The following TMEM108 variants were observed in gnomAD, a reference collection of about 807,000 sequenced individuals.
The protein encoded by TMEM108 is cancer/testis antigen 124.
TMEM108 carries 12 observed loss-of-function variants against 35.1 expected under a neutral mutation model. The observed-to-expected ratio is 0.34, with a 90% CI of 0.22 to 0.55. TMEM108 has a LOEUF of 0.55. TMEM108 is among the 20% of genes least tolerant of loss of function. The pLI, the probability that TMEM108 is intolerant of heterozygous loss-of-function variation, is 0.89. For synonymous variants in TMEM108, 287 were observed against 308.6 expected (o/e 0.93, Z 0.73); for missense variants, 680 against 753.3 (o/e 0.90, Z 1.14).
At chr3:133,235,037 A>C (rs1043227176) in intron 3 of TMEM108, among the ~76,000 whole-genome samples, 28 of 152,182 alleles carry the variant, frequency 1.8e-4, no homozygotes, top group East Asian at 3.9e-4. Context: ...TAGGAATCCA[A>C]CTTACAAGGG....
intron 3 of TMEM108, among the ~76,000 whole-genome samples, chr3:133,306,460 G>A (rs2071039314): frequency 6.6e-6 from 1 of 152,052 alleles, no homozygotes; most frequent in Non-Finnish European, 1.5e-5. Context: ...TTGATTTGCT[G>A]CACCCATTAA....
At chr3:133,207,332 A>G (rs922899287) in intron 2 of TMEM108, among the ~76,000 whole-genome samples, 12 of 56,716 alleles carry the variant, frequency 2.1e-4, no homozygotes, top group African/African-American at 1.1e-3. Context: ...AACCAGTCCC[A>G]GTGAGGAGCC....
At chr3:133,157,447 A>G (rs1163057522) in intron 2 of TMEM108, among the ~76,000 whole-genome samples, 1 of 152,206 alleles carries the variant, frequency 6.6e-6, no homozygotes, top group Non-Finnish European at 1.5e-5. Flanking sequence ...ACACATATAT[A>G]TTTAACAAGT....
intron 2 of TMEM108, among the ~76,000 whole-genome samples, chr3:133,199,361 CTCTG>C (rs1307993551): frequency 6.6e-6 from 1 of 152,180 alleles, no homozygotes; most frequent in Non-Finnish European, 1.5e-5. Context: ...AGAAAAGGCA[CTCTG>C]ATTTTTAGAA....
At chr3:133,219,503 C>T (rs757308025) in intron 2 of TMEM108, among the ~76,000 whole-genome samples, 18 of 151,840 alleles carry the variant, frequency 1.2e-4, no homozygotes, top group Middle Eastern at 3.4e-3. Context: ...CTCTTAGAAC[C>T]GCTTTTGTTT....
chr3:133,313,262 A>C (rs1400822802), intron 3 of TMEM108, among the ~76,000 whole-genome samples: 1 of 150,808 alleles, frequency 6.6e-6, no homozygotes, highest in African/African-American at 2.4e-5. Flanking sequence ...CAGTGGTGCG[A>C]TCTCAGCTCA....
intron 2 of TMEM108, among the ~76,000 whole-genome samples, chr3:133,072,832 C>T (rs1273081165): frequency 1.3e-5 from 2 of 152,076 alleles, no homozygotes; most frequent in Non-Finnish European, 2.9e-5. Flanking sequence ...CCCCTAAGTC[C>T]CTGACAGGCA....
intron 2 of TMEM108, among the ~76,000 whole-genome samples, chr3:133,075,110 C>T (rs574240957): frequency 6.6e-6 from 1 of 152,278 alleles, no homozygotes; most frequent in East Asian, 1.9e-4. Flanking sequence ...ACAGAGCATC[C>T]ACCACATTTT....
At position 133,057,435 on chromosome 3, in the gene TMEM108, G is replaced by GTATA. The variant is rs56983894; in HGVS notation, c.-47+11463_-47+11466dup. ...TGGGCTATTAGTTGTGTGTGTGTGTGTATATATATATATATATATATATAT... is the reference window on the plus strand; with the variant it reads ...TGGGCTATTAGTTGTGTGTGTGTGTGTATATATATATATATATATATATATATAT... On this transcript the variant is annotated intron_variant, in intron 2 of 5. Coordinates refer to ENST00000321871, the MANE Select transcript of TMEM108 (RefSeq NM_023943.4). Among the ~76,000 whole-genome samples the GTATA allele has an allele frequency of 5.0e-3, 227 of 45,450 alleles. 1 individual carries two copies. Among genetic ancestry groups the GTATA allele is most frequent in the African/African-American group, 6.6e-3 (94 of 14,184 alleles). 29.8% of individuals were successfully genotyped at this position (45,450 alleles called of 152,430 possible). A position where few individuals can be genotyped will look rare whatever the true frequency, so the allele number is the denominator to read the frequency against.
At chr3:133,139,166 T>G (rs1392860676) in intron 2 of TMEM108, among the ~76,000 whole-genome samples, 2 of 152,230 alleles carry the variant, frequency 1.3e-5, no homozygotes, top group Non-Finnish European at 2.9e-5. Context: ...CTATCATTGA[T>G]GGACATTTGG....
At position 133,344,393 on chromosome 3, in the gene TMEM108, A is replaced by G. The variant is rs1049674690; in HGVS notation, c.41-35359A>G. 1.6e-4 allele frequency among the ~76,000 whole-genome samples: 24 copies of G among 151,782 alleles called. 1 individual carries two copies. Among genetic ancestry groups the G allele is most frequent in the African/African-American group, 4.8e-4 (20 of 41,434 alleles). On this transcript the variant is annotated intron_variant, in intron 3 of 5. Transcript: ENST00000321871. ...CTTATGGTTGAAAAGTGATCACAATATACTATTTTATAGAAATACTTAAGG... is the reference window on the plus strand; with the variant it reads ...CTTATGGTTGAAAAGTGATCACAATGTACTATTTTATAGAAATACTTAAGG...
rs376560723 is a variant in TMEM108 at position 133,289,710 on chromosome 3, T to C, written c.40+60359T>C. On this transcript the variant is annotated intron_variant, in intron 3 of 5. Coordinates refer to ENST00000321871, the MANE Select transcript of TMEM108 (RefSeq NM_023943.4). ...AGTAAGGGCAGATTTAAGAATGAAA[T>C]CATTTTTCTCTCACTTTATATGTAA... is the stretch of plus-strand genomic sequence containing the variant. 7.9e-5 allele frequency among the ~76,000 whole-genome samples: 12 copies of C among 152,286 alleles called. No homozygotes were observed. The East Asian group carries it at 1.5e-3, about 20-fold the overall frequency.
intron 2 of TMEM108, among the ~76,000 whole-genome samples, chr3:133,215,919 C>T (rs192617974): frequency 1.2e-4 from 19 of 152,158 alleles, no homozygotes; most frequent in Non-Finnish European, 2.5e-4. Context: ...ATATTTTCCC[C>T]AACTGATTTG....
intron 3 of TMEM108, 137 bp downstream of exon 3, chr3:133,229,488 T>A (rs1946120145): frequency 1.5e-6 from 1 of 651,726 alleles, no homozygotes; most frequent in Non-Finnish European, 2.5e-6. Context: ...CTGCTTCATC[T>A]AGATGAAGTA....
chr3:133,245,851 A>G (rs1946378325), intron 3 of TMEM108, among the ~76,000 whole-genome samples: 1 of 152,266 alleles, frequency 6.6e-6, no homozygotes, highest in Admixed American at 6.5e-5. Context: ...AAGTGAAAAG[A>G]AATAGGCAAA....
chr3:133,068,652 T>C (rs1191466897), intron 2 of TMEM108, among the ~76,000 whole-genome samples: 1 of 152,146 alleles, frequency 6.6e-6, no homozygotes, highest in African/African-American at 2.4e-5. Flanking sequence ...GAAGATTGGA[T>C]TGAGGATCAT....
At chr3:133,305,366 G>T (rs1287661343) in intron 3 of TMEM108, among the ~76,000 whole-genome samples, 1 of 127,662 alleles carries the variant, frequency 7.8e-6, no homozygotes, top group African/African-American at 2.9e-5. Context: ...GACTGTGGTG[G>T]GGTGGGGGGA....
chr3:133,229,497 T>C (rs1946120268), intron 3 of TMEM108, 146 bp downstream of exon 3: 1 of 616,264 alleles, frequency 1.6e-6, no homozygotes, highest in Non-Finnish European at 2.7e-6. Context: ...CTAGATGAAG[T>C]ATCAAGCGTT....
intron 2 of TMEM108, among the ~76,000 whole-genome samples, chr3:133,063,675 G>T (rs1460199900): frequency 5.9e-5 from 9 of 152,272 alleles, no homozygotes; most frequent in South Asian, 2.1e-4. Context: ...AGGGATAAAA[G>T]ATATGATTAA....
Sources: gnomAD v4.1 joint callset for allele counts (sites outside exome capture counted in the v4.1 genomes callset) on GRCh38, gnomAD v4.1.1 for gene constraint, MANE v1.5 for transcripts, NCBI Gene and HGNC (gene_info 2026-07-23, HGNC 2026-07-21) for gene names.